TMEM182: variants seen among roughly 807,000 people sequenced by gnomAD.
The protein encoded by TMEM182 is transmembrane protein 182.
A neutral mutation model predicts 26.8 loss-of-function variants in TMEM182; 20 were observed. The ratio of observed to expected loss-of-function variants is 0.75; its 90% CI spans 0.53 to 1.09. TMEM182 has a LOEUF of 1.09. TMEM182 is among the 50% of genes least tolerant of loss of function. TMEM182 has a pLI of 0.00. For missense variants in TMEM182, 277 were observed against 275.5 expected, an observed-to-expected ratio of 1.01 and a Z score of -0.04; for synonymous variants, 109 against 102.2, an observed-to-expected ratio of 1.07 and a Z score of -0.40.
intron 4 of TMEM182, among the ~76,000 whole-genome samples, chr2:102,812,838 A>G (rs1682603089): frequency 6.6e-6 from 1 of 152,238 alleles, no homozygotes; most frequent in Admixed American, 6.5e-5. Flanking sequence ...AAGGCAAATG[A>G]TATTATGCAA....
At chr2:102,765,095 C>A (rs1206265988) in intron 3 of TMEM182, among the ~76,000 whole-genome samples, 2 of 147,224 alleles carry the variant, frequency 1.4e-5, no homozygotes, top group Non-Finnish European at 2.9e-5. Flanking sequence ...TAATATTAGT[C>A]AGGGTTCTCC....
At chr2:102,792,690 A>C (rs1681700389) in intron 3 of TMEM182, among the ~76,000 whole-genome samples, 1 of 152,348 alleles carries the variant, frequency 6.6e-6, no homozygotes, top group South Asian at 2.1e-4. Flanking sequence ...TGTTAGAAGC[A>C]TAGGCAGGAA....
chr2:102,801,899 T>C (rs1682156443), intron 4 of TMEM182, among the ~76,000 whole-genome samples: 1 of 152,192 alleles, frequency 6.6e-6, no homozygotes, highest in South Asian at 2.1e-4. Flanking sequence ...TTTCTTTCTT[T>C]AATTTCCACC....
intron 3 of TMEM182, among the ~76,000 whole-genome samples, chr2:102,838,320 T>TA (rs1197272471): frequency 1.3e-5 from 2 of 152,222 alleles, no homozygotes; most frequent in Non-Finnish European, 2.9e-5. Flanking sequence ...CTGAGATGGC[T>TA]ACATATTGTT....
intron 1 of TMEM182, among the ~76,000 whole-genome samples, chr2:102,742,976 T>C (rs1363600209): frequency 2.7e-5 from 4 of 149,804 alleles, no homozygotes; most frequent in Non-Finnish European, 4.5e-5. Flanking sequence ...ACTACATAAA[T>C]TAGTGAACAG....
chr2:102,778,034 A>ATGTTGTC (rs1680997160), intron 3 of TMEM182, among the ~76,000 whole-genome samples: 1 of 151,970 alleles, frequency 6.6e-6, no homozygotes, highest in Non-Finnish European at 1.5e-5. Context: ...TTGGTTGATG[A>ATGTTGTC]TGATGTCTAG....
At chr2:102,837,532 C>T (rs1342312487) in intron 3 of TMEM182, among the ~76,000 whole-genome samples, 1 of 49,224 alleles carries the variant, frequency 2.0e-5, no homozygotes, top group Non-Finnish European at 3.6e-5. Flanking sequence ...TGTGTCAGTG[C>T]TGTGGGGGGT....
At chr2:102,831,623 G>T (rs1382379599) in intron 3 of TMEM182, among the ~76,000 whole-genome samples, 1 of 152,128 alleles carries the variant, frequency 6.6e-6, no homozygotes, top group Non-Finnish European at 1.5e-5. Flanking sequence ...TCAGTGCGGT[G>T]GTACATGCCT....
chr2:102,776,519 A>G (rs2104687165), intron 3 of TMEM182, among the ~76,000 whole-genome samples: 1 of 152,256 alleles, frequency 6.6e-6, no homozygotes, highest in Non-Finnish European at 1.5e-5. Flanking sequence ...TGTGATAAAT[A>G]ATGTCTCATT....
rs370603581 is a variant in TMEM182, at chr2:102,753,203, C to A, written c.-82-5186C>A. 4.8e-3 allele frequency among the ~76,000 whole-genome samples: 723 copies of A among 151,916 alleles called. 11 individuals are homozygous for A. The highest frequency in any genetic ancestry group is 0.017 in the African/African-American group (691 of 41,438). On this transcript the variant is annotated intron_variant, in intron 1 of 5. Coordinates refer to the TMEM182 transcript ENST00000409173. ...AAATGAGTTTTAAGCTTCCCCCCCC[C>A]ACTGCCTTCAAGAGTTACTATACTT... is the stretch of plus-strand genomic sequence containing the variant.
upstream of TMEM182, among the ~76,000 whole-genome samples, chr2:102,761,119 C>T (rs2540300): frequency 0.24 from 36,486 of 151,968 alleles, 4,448 homozygotes; most frequent in South Asian, 0.29. Context: ...ACCAAAGGAA[C>T]GGTGCAAGAT....
chr2:102,801,847 C>T (rs1468691394), intron 4 of TMEM182, among the ~76,000 whole-genome samples: 1 of 152,180 alleles, frequency 6.6e-6, no homozygotes, highest in Non-Finnish European at 1.5e-5. Context: ...ATAAGTCAGC[C>T]TAATACAGGG....
At chr2:102,765,691 A>G (rs1573506244) in intron 3 of TMEM182, among the ~76,000 whole-genome samples, 1 of 152,182 alleles carries the variant, frequency 6.6e-6, no homozygotes, top group East Asian at 1.9e-4. Context: ...GTATTACATC[A>G]TTAATAGGAC....
intron 1 of TMEM182, among the ~76,000 whole-genome samples, chr2:102,739,357 A>C (rs993140879): frequency 6.6e-6 from 1 of 152,142 alleles, no homozygotes; most frequent in Admixed American, 6.5e-5. Flanking sequence ...CTCAATTTTG[A>C]TGTATAGCGT....
intron 3 of TMEM182, among the ~76,000 whole-genome samples, chr2:102,787,162 G>C (rs1474049086): frequency 6.6e-6 from 1 of 152,202 alleles, no homozygotes; most frequent in Non-Finnish European, 1.5e-5. Context: ...AGGAAGGAAG[G>C]ATGCTTTCTC....
At chr2:102,745,273 ATCTT>A (rs1679658535) in intron 1 of TMEM182, among the ~76,000 whole-genome samples, 1 of 151,954 alleles carries the variant, frequency 6.6e-6, no homozygotes, top group Admixed American at 6.6e-5. Flanking sequence ...TTACATTTGA[ATCTT>A]TCTTAGAGTT....
chr2:102,795,379 T>C (rs1681825627), intron 3 of TMEM182, among the ~76,000 whole-genome samples: 1 of 152,240 alleles, frequency 6.6e-6, no homozygotes, highest in Admixed American at 6.5e-5. Context: ...TTCAAAGTGT[T>C]AAATTCAGTG....
intron 3 of TMEM182, among the ~76,000 whole-genome samples, chr2:102,782,879 T>C (rs1681232930): frequency 6.6e-6 from 1 of 152,200 alleles, no homozygotes; most frequent in African/African-American, 2.4e-5. Flanking sequence ...AAAATTACAG[T>C]GACTTTTAAG....
At position 102,772,791 on chromosome 2, in the gene TMEM182, C is replaced by T. The variant is rs545702194; in HGVS notation, c.331+8364C>T. ...AAGACATCATAATACAAATGCTTGG[C>T]GGAGTCGTTGCCATGTAGTTGGTAT... is the stretch of plus-strand genomic sequence containing the variant. On this transcript the variant is annotated intron_variant, in intron 3 of 4. Transcript: ENST00000412401. Among the ~76,000 whole-genome samples the T allele has an allele frequency of 5.9e-5, 9 of 152,270 alleles. No homozygotes were observed. In the South Asian group the frequency reaches 8.3e-4, roughly 14 times the overall value.
Sources: allele counts gnomAD v4.1 joint callset (sites outside exome capture counted in the v4.1 genomes callset), GRCh38; gene constraint gnomAD v4.1.1; transcripts MANE v1.5; gene names NCBI Gene and HGNC (gene_info 2026-07-23, HGNC 2026-07-21).